The following ABCB4 variants were observed in gnomAD, a reference collection of about 807,000 sequenced individuals.
ABCB4 encodes phosphatidylcholine translocator ABCB4.
In ABCB4, 76 loss-of-function variants were observed where a neutral mutation model predicts 145.7. The ratio of observed to expected loss-of-function variants is 0.52; its 90% CI spans 0.43 to 0.63. ABCB4 has a LOEUF of 0.63. Ranked by LOEUF, ABCB4 falls within the 30% of genes least tolerant of loss-of-function variation. ABCB4 has a pLI of 0.00. For missense variants in ABCB4, 1,234 were observed against 1,553.1 expected, an observed-to-expected ratio of 0.79 and a Z score of 3.45; for synonymous variants, 517 against 566.8, an observed-to-expected ratio of 0.91 and a Z score of 1.25.
chr7:87,423,016 T>G (rs915341180), intron 17 of ABCB4, among the ~76,000 whole-genome samples: 1 of 152,200 alleles, frequency 6.6e-6, no homozygotes, highest in East Asian at 1.9e-4. Context: ...CTTGCTTTGT[T>G]TTGAAACTTT....
intron 14 of ABCB4, among the ~76,000 whole-genome samples, chr7:87,434,548 G>C (rs1054530662): frequency 2.6e-5 from 4 of 152,108 alleles, no homozygotes; most frequent in African/African-American, 9.6e-5. Context: ...AAGACATTGA[G>C]ACCATCCTGG....
intron 4 of ABCB4, among the ~76,000 whole-genome samples, chr7:87,459,612 T>G (rs1812320539): frequency 6.6e-6 from 1 of 152,176 alleles, no homozygotes. Flanking sequence ...AATTTATTTT[T>G]TCTTGGTAAA....
the ABCB4 span, among the ~76,000 whole-genome samples, chr7:87,371,098 T>C: frequency 3.3e-5 from 5 of 152,360 alleles, no homozygotes; most frequent in South Asian, 1.0e-3. Context: ...TTTATTAATC[T>C]TTTAATCTTT....
At chr7:87,375,738 A>C in the ABCB4 span, 1 of 1,612,766 alleles carries the variant, frequency 6.2e-7, no homozygotes, top group Non-Finnish European at 8.5e-7. Context: ...TCTGATTTAC[A>C]CTTTTCTTAA....
intron 10 of ABCB4, 119 bp from the exon 11 acceptor site, chr7:87,443,892 A>G: frequency 2.7e-6 from 2 of 742,098 alleles, no homozygotes; most frequent in South Asian, 3.0e-5. Flanking sequence ...CCCTTTACAT[A>G]AGAAAAACCC....
At chr7:87,388,111 G>A in the ABCB4 span, among the ~76,000 whole-genome samples, 7 of 152,212 alleles carry the variant, frequency 4.6e-5, no homozygotes, top group African/African-American at 1.7e-4. Flanking sequence ...AAACAGGCCT[G>A]GAGCCAAGAC....
chr7:87,382,425 C>A, the ABCB4 span: 3 of 1,613,130 alleles, frequency 1.9e-6, no homozygotes, highest in Non-Finnish European at 2.5e-6. Context: ...ATCTGATCTA[C>A]AGATTGCGGC....
In ABCB4 at chr7:87,451,878, A is replaced by G. The variant is rs1371158713; in HGVS notation, c.537-84T>C. The G allele has an allele frequency of 4.4e-6, 6 of 1,379,156 alleles. No homozygotes were observed. In the African/African-American group the frequency reaches 7.1e-5, roughly 16 times the overall value. The allele number at this position is 1,379,156 out of a possible 1,614,324, so 85.4% of individuals were successfully genotyped here. ...TAGACATCCAACAAACACATAGACA[A>G]GTAAAATTTGTTCACTGACTGCAAG... On this transcript the variant is annotated intron_variant, in intron 6 of 27. Transcript: ENST00000649586.
intron 8 of ABCB4, 92 bp from the exon 9 acceptor site, chr7:87,447,297 G>A: frequency 7.8e-7 from 1 of 1,288,894 alleles, no homozygotes; most frequent in Non-Finnish European, 1.1e-6. Flanking sequence ...GGAGGTTTAA[G>A]TAACAAAGTC....
the ABCB4 span, among the ~76,000 whole-genome samples, chr7:87,370,059 A>T: frequency 6.6e-6 from 1 of 151,992 alleles, no homozygotes; most frequent in Non-Finnish European, 1.5e-5. Context: ...TCACTTTCCC[A>T]TGGATTATTT....
In ABCB4 at chr7:87,468,282, A is replaced by G. The variant is rs570362764; in HGVS notation, c.135+4339T>C. ...ACTGTAAACACCCCTACATAAATAA[A>G]CTAGAAAATCTAGAAGAAATGGATA... is the stretch of plus-strand genomic sequence containing the variant. On this transcript the variant is annotated intron_variant, in intron 3 of 27. Coordinates refer to ENST00000649586, the MANE Select transcript of ABCB4 (RefSeq NM_000443.4). Among the ~76,000 whole-genome samples, 5 of 152,326 alleles carry G rather than the reference A, an allele frequency of 3.3e-5. No individual in the cohort carries two copies. In the South Asian group the frequency reaches 1.0e-3, roughly 32 times the overall value.
chr7:87,472,469 C>G (rs1380316906), intron 3 of ABCB4, 152 bp downstream of exon 3: 6 of 676,282 alleles, frequency 8.9e-6, no homozygotes, highest in Non-Finnish European at 1.6e-5. Context: ...AGCAACCCTC[C>G]CACCTCAGTC....
At chr7:87,465,863 C>T (rs933877406) in intron 3 of ABCB4, among the ~76,000 whole-genome samples, 3 of 152,162 alleles carry the variant, frequency 2.0e-5, no homozygotes, top group African/African-American at 7.2e-5. Flanking sequence ...GGAAAACTAA[C>T]AAACAGAAAG....
chr7:87,380,034 C>G, the ABCB4 span, among the ~76,000 whole-genome samples: 3 of 152,150 alleles, frequency 2.0e-5, no homozygotes, highest in Admixed American at 6.5e-5. Context: ...TCACTTGAGC[C>G]TAGGAGGTCC....
chr7:87,391,713 G>A, the ABCB4 span: 21 of 1,602,716 alleles, frequency 1.3e-5, no homozygotes, highest in Non-Finnish European at 1.8e-5. Flanking sequence ...TTCTGTCAAT[G>A]TGAGTATTGG....
chr7:87,371,826 A>C, the ABCB4 span, among the ~76,000 whole-genome samples: 6 of 152,030 alleles, frequency 3.9e-5, no homozygotes, highest in Admixed American at 2.0e-4. Context: ...CCCTGTCTCT[A>C]TAAAAAGTTA....
At chr7:87,448,069 G>A (rs971413890) in intron 8 of ABCB4, among the ~76,000 whole-genome samples, 3 of 151,896 alleles carry the variant, frequency 2.0e-5, no homozygotes, top group Non-Finnish European at 4.4e-5. Context: ...CTGGCTGCTG[G>A]CATTTGATAT....
At chr7:87,435,280 T>A (rs1229709338) in intron 14 of ABCB4, among the ~76,000 whole-genome samples, 1 of 152,186 alleles carries the variant, frequency 6.6e-6, no homozygotes, top group Non-Finnish European at 1.5e-5. Flanking sequence ...GTGGAGCCAA[T>A]TAGTGCAGAT....
rs72552778 is a variant in ABCB4 at position 87,447,080 on chromosome 7, G to A, written c.959C>T (p.Ser320Phe). 1.7e-4 allele frequency: 280 copies of A among 1,613,618 alleles called. No homozygotes were observed. The highest frequency in any genetic ancestry group is 2.2e-4 in the Non-Finnish European group (259 of 1,179,716). The change falls in exon 9 of 28, where the codon TCC becomes TTC. Residue 320 changes from serine to phenylalanine, a missense_variant. This residue lies in a region of ABCB4 where 467 missense variants were observed against 632.8 expected (regional missense o/e 0.74). Coordinates refer to ENST00000649586, the MANE Select transcript of ABCB4 (RefSeq NM_000443.4). ...ASYALAFWYG[S>F]TLVISKEYTI... ...ATATTCTTTTGATATGACTAGAGTG[G>A]ATCCATACCAGAAGGCCAGTGCATA...
Sources: allele counts gnomAD v4.1 joint callset (sites outside exome capture counted in the v4.1 genomes callset), GRCh38; gene constraint gnomAD v4.1.1; regional missense constraint gnomAD v4.1.1; transcripts MANE v1.5; gene names NCBI Gene and HGNC (gene_info 2026-07-23, HGNC 2026-07-21).